The following SAMD12 variants were observed in gnomAD, a reference collection of about 807,000 sequenced individuals.
SAMD12 encodes sterile alpha motif domain containing 12.
Under a neutral mutation model 15.0 loss-of-function variants are expected in SAMD12, and 9 were observed. That is an observed-to-expected ratio of 0.60 (90% CI 0.36 to 1.05). The LOEUF is 1.05. SAMD12 is among the 50% of genes least tolerant of loss of function. SAMD12 has a pLI of 0.01. For missense variants in SAMD12, 230 were observed against 234.2 expected, an observed-to-expected ratio of 0.98 and a Z score of 0.12; for synonymous variants, 86 against 90.1, an observed-to-expected ratio of 0.96 and a Z score of 0.25.
intron 4 of SAMD12, among the ~76,000 whole-genome samples, chr8:118,286,612 C>T (rs1219642172): frequency 5.3e-5 from 8 of 152,148 alleles, no homozygotes; most frequent in Admixed American, 5.2e-4. Context: ...CTCCATGCTC[C>T]CTTTAGCTGG....
chr8:118,551,287 C>T (rs1175022379), intron 2 of SAMD12, among the ~76,000 whole-genome samples: 4 of 150,692 alleles, frequency 2.7e-5, no homozygotes, highest in African/African-American at 1.0e-4. Flanking sequence ...TAAAGCTCTC[C>T]TCAGCAAATG....
At chr8:118,480,011 T>G (rs1198906288) in intron 2 of SAMD12, among the ~76,000 whole-genome samples, 1 of 152,212 alleles carries the variant, frequency 6.6e-6, no homozygotes, top group Non-Finnish European at 1.5e-5. Context: ...AGAATCTAAA[T>G]AACATCAAAA....
chr8:118,427,850 G>C (rs1381813278), intron 3 of SAMD12, among the ~76,000 whole-genome samples: 1 of 152,148 alleles, frequency 6.6e-6, no homozygotes, highest in Non-Finnish European at 1.5e-5. Context: ...TAAGAAACTT[G>C]ACATTTTCAA....
At chr8:118,476,898 TC>T (rs1305920312) in intron 2 of SAMD12, among the ~76,000 whole-genome samples, 1 of 152,118 alleles carries the variant, frequency 6.6e-6, no homozygotes, top group Non-Finnish European at 1.5e-5. Flanking sequence ...CACTGTCTCT[TC>T]CCAATTGTCA....
intron 1 of SAMD12, among the ~76,000 whole-genome samples, chr8:118,619,055 C>T (rs1396343621): frequency 1.3e-5 from 2 of 152,150 alleles, no homozygotes; most frequent in Admixed American, 1.3e-4. Context: ...CCTCGTTATA[C>T]GGGATGGCCA....
chr8:118,506,038 C>T (rs1192195402), intron 2 of SAMD12, among the ~76,000 whole-genome samples: 2 of 152,154 alleles, frequency 1.3e-5, no homozygotes, highest in African/African-American at 4.8e-5. Context: ...TTGCTCTAGT[C>T]TCTAACAGAA....
the SAMD12 span, among the ~76,000 whole-genome samples, chr8:118,182,610 A>C: frequency 6.6e-6 from 1 of 152,204 alleles, no homozygotes. Flanking sequence ...AGTTATGAAT[A>C]AATAAAAGCT....
intron 4 of SAMD12, among the ~76,000 whole-genome samples, chr8:118,228,670 C>T (rs894487988): frequency 2.0e-5 from 3 of 152,114 alleles, no homozygotes; most frequent in African/African-American, 7.2e-5. Flanking sequence ...GATCAGGGAA[C>T]ACTTCTACAC....
At chr8:118,383,126 G>A (rs181415737) in intron 3 of SAMD12, among the ~76,000 whole-genome samples, 251 of 152,230 alleles carry the variant, frequency 1.6e-3, no homozygotes, top group Middle Eastern at 3.4e-3. Flanking sequence ...TATAATTTAT[G>A]TTAATTTTTG....
chr8:118,552,825 C>T (rs1303266411), intron 2 of SAMD12, among the ~76,000 whole-genome samples: 1 of 152,076 alleles, frequency 6.6e-6, no homozygotes, highest in Non-Finnish European at 1.5e-5. Context: ...TAAGCAACTT[C>T]AGCAAAGTCT....
chr8:118,562,366 G>C (rs765348340), intron 2 of SAMD12, among the ~76,000 whole-genome samples: 2 of 152,070 alleles, frequency 1.3e-5, no homozygotes, highest in African/African-American at 2.4e-5. Flanking sequence ...CACCAGAAGA[G>C]GGGTGCTGAA....
At chr8:118,438,204 T>G (rs1822629048) in intron 3 of SAMD12, among the ~76,000 whole-genome samples, 1 of 152,176 alleles carries the variant, frequency 6.6e-6, no homozygotes, top group South Asian at 2.1e-4. Flanking sequence ...AAAAGGGCCA[T>G]TGACTCTAGT....
intron 2 of SAMD12, among the ~76,000 whole-genome samples, chr8:118,454,647 A>G (rs1823192386): frequency 6.6e-6 from 1 of 152,220 alleles, no homozygotes; most frequent in Non-Finnish European, 1.5e-5. Context: ...ACATAACACA[A>G]AATTTACCAT....
chr8:118,550,439 G>A (rs1474193394), intron 2 of SAMD12, among the ~76,000 whole-genome samples: 2 of 152,302 alleles, frequency 1.3e-5, no homozygotes. Flanking sequence ...AGCTTCATAA[G>A]TGAAGGAGAA....
intron 4 of SAMD12, among the ~76,000 whole-genome samples, chr8:118,279,934 A>G (rs1813571807): frequency 6.6e-6 from 1 of 152,184 alleles, no homozygotes; most frequent in South Asian, 2.1e-4. Flanking sequence ...AAAACACAGG[A>G]CGCACATGCC....
rs567222650 is a variant in SAMD12 at position 118,560,657 on chromosome 8, T to C, written c.192+20058A>G. On this transcript the variant is annotated intron_variant, in intron 2 of 3. Coordinates refer to ENST00000314727, the MANE Select transcript of SAMD12 (RefSeq NM_207506.3). ...CATGTACAATTATAAACATACCTTA[T>C]TTTTTTTTCTTTCATACCGAATAGT... 5.3e-4 allele frequency among the ~76,000 whole-genome samples: 80 copies of C among 151,512 alleles called. 1 individual carries two copies. The South Asian group carries it at 9.6e-3, about 18-fold the overall frequency.
intron 3 of SAMD12, among the ~76,000 whole-genome samples, chr8:118,419,011 T>C (rs1310289794): frequency 1.3e-5 from 2 of 152,228 alleles, no homozygotes; most frequent in Non-Finnish European, 2.9e-5. Flanking sequence ...GGAATGACTA[T>C]GCCTGACATA....
intron 4 of SAMD12, among the ~76,000 whole-genome samples, chr8:118,360,203 G>A (rs1298090194): frequency 6.6e-6 from 1 of 152,156 alleles, no homozygotes; most frequent in South Asian, 2.1e-4. Flanking sequence ...GCTCCCTGGA[G>A]TCTAAGTAAT....
chr8:118,540,111 T>C (rs1825948401), intron 2 of SAMD12, among the ~76,000 whole-genome samples: 1 of 152,196 alleles, frequency 6.6e-6, no homozygotes, highest in African/African-American at 2.4e-5. Context: ...AGAAACACAT[T>C]AATCCTCTAT....
Sources: allele counts gnomAD v4.1 joint callset (sites outside exome capture counted in the v4.1 genomes callset), GRCh38; gene constraint gnomAD v4.1.1; transcripts MANE v1.5; gene names NCBI Gene and HGNC (gene_info 2026-07-23, HGNC 2026-07-21).